OR11H4: variants seen among roughly 807,000 people sequenced by gnomAD.
The protein encoded by OR11H4 is olfactory receptor family 11 subfamily H member 4, also known as olfactory receptor 11H4.
For missense variants in OR11H4, 460 were observed against 371.1 expected (o/e 1.24, Z -1.97); for synonymous variants, 162 against 142.3 (o/e 1.14, Z -0.98).
At chr14:20,242,533 C>T (rs1441406968) in intron 1 of OR11H4, among the ~76,000 whole-genome samples, 1 of 152,126 alleles carries the variant, frequency 6.6e-6, no homozygotes, top group African/African-American at 2.4e-5. Flanking sequence ...TATGTCTTCC[C>T]TTTCTACATA....
chr14:20,242,351 A>T (rs913310333), intron 1 of OR11H4, among the ~76,000 whole-genome samples: 5 of 152,146 alleles, frequency 3.3e-5, no homozygotes, highest in Non-Finnish European at 7.3e-5. Flanking sequence ...TTAACAAGGC[A>T]CATCCTGCAC....
intron 1 of OR11H4, 105 bp from the exon 2 acceptor site, chr14:20,242,706 G>A: frequency 3.8e-6 from 5 of 1,314,056 alleles, no homozygotes; most frequent in Non-Finnish European, 5.3e-6. Flanking sequence ...GTATTTTCCT[G>A]TATACCTCAA....
rs551673918 is a variant in OR11H4 at position 20,242,259 on chromosome 14, C to CCA, written c.-11-549_-11-548dup. On this transcript the variant is annotated intron_variant, in intron 1 of 1. Coordinates refer to ENST00000641082, the MANE Select transcript of OR11H4 (RefSeq NM_001004479.2). The stretch of plus-strand genomic sequence containing the variant: ...CAAGGGCAGAGGTCCCTGCAGCTTT[C>CCA]CACAGTGCATTGTGCCCCTGGTTTA... 5.6e-3 allele frequency among the ~76,000 whole-genome samples: 851 copies of CCA among 152,246 alleles called. 10 individuals are homozygous for CCA. Among genetic ancestry groups the CCA allele is most frequent in the African/African-American group, 0.019 (773 of 41,548 alleles).
rs11159551 is a variant in OR11H4 at position 20,241,828 on chromosome 14, A to T, written c.-11-983A>T. Reference sequence around the variant, plus strand: ...AGGTCAGCAAAAAACATGTGAGCAGAAGAATCTATGTCATAATTAAGTTCA... The same window carrying T: ...AGGTCAGCAAAAAACATGTGAGCAGTAGAATCTATGTCATAATTAAGTTCA... On this transcript the variant is annotated intron_variant, in intron 1 of 1. Coordinates refer to ENST00000641082, the MANE Select transcript of OR11H4 (RefSeq NM_001004479.2). Among the ~76,000 whole-genome samples the T allele has an allele frequency of 3.0e-3, 462 of 152,192 alleles. 2 individuals carry two copies. The highest frequency in any genetic ancestry group is 4.1e-3 in the Non-Finnish European group (281 of 68,010).
chr14:20,239,576 C>A (rs953325104), intron 1 of OR11H4, among the ~76,000 whole-genome samples: 2 of 152,024 alleles, frequency 1.3e-5, no homozygotes, highest in Non-Finnish European at 2.9e-5. Context: ...CGCCTATAGT[C>A]CCAGCTACTC....
chr14:20,243,917 G>C lies in OR11H4; in HGVS notation c.*151G>C. 1 of 690,406 alleles carries C rather than the reference G, an allele frequency of 1.4e-6. No homozygotes were observed. The highest frequency in any genetic ancestry group is 2.2e-6 in the Non-Finnish European group (1 of 449,168). The allele number at this position is 690,406 out of a possible 1,614,324, so 42.8% of individuals were successfully genotyped here. A position where few individuals can be genotyped will look rare whatever the true frequency, so the allele number is the denominator to read the frequency against. ...CCAGCTTAAATATGTTTCCAGCACT[G>C]ACTCTTTAAACCTTAATTAACTGGT... On this transcript the variant is annotated 3_prime_UTR_variant, in exon 2 of 2. Transcript: ENST00000641082.
intron 1 of OR11H4, among the ~76,000 whole-genome samples, 193 bp downstream of exon 1, chr14:20,239,524 C>T (rs368496993): frequency 2.6e-5 from 4 of 152,010 alleles, no homozygotes; most frequent in African/African-American, 9.7e-5. Context: ...GAAACCCCGT[C>T]TCTACTAAAA....
rs145905380 is a variant in OR11H4 at position 20,241,778 on chromosome 14, G to A, written c.-11-1033G>A. Among the ~76,000 whole-genome samples the A allele has an allele frequency of 5.3e-4, 80 of 152,174 alleles. 1 individual carries two copies. In the East Asian group the frequency reaches 8.9e-3, roughly 17 times the overall value. On this transcript the variant is annotated intron_variant, in intron 1 of 1. Transcript: ENST00000641082. ...TATTTCAGCAAAAAGGAATGTAGTA[G>A]GAGAGCACGGTGATAATAAGGAGAA...
rs1880988782 is a variant in OR11H4, at chr14:20,243,494, G to A, written c.673G>A (p.Val225Ile). The change falls in exon 2 of 2, where the codon GTT (valine) becomes ATT (isoleucine). Residue 225 changes from valine to isoleucine, a missense_variant. Val to Ile is a conservative substitution (Grantham distance 29, BLOSUM62 3). Transcript: ENST00000641082. ...LRSYILLLTAVFQVPSAAGRR... is the reference protein window; with the variant it reads ...LRSYILLLTAIFQVPSAAGRR... ...ATCCTATATCCTGTTACTAACAGCT[G>A]TTTTTCAGGTCCCTTCTGCAGCTGG... is the stretch of plus-strand genomic sequence containing the variant. 6.2e-7 allele frequency: 1 copy of A among 1,613,770 alleles called. No individual in the cohort carries two copies. Among genetic ancestry groups the A allele is most frequent in the Admixed American group, 1.7e-5 (1 of 59,940 alleles).
chr14:20,242,648 T>C lies in OR11H4; in HGVS notation c.-11-163T>C. ...AAATAACACAGAGAACCACAATCAA[T>C]TCAAAATTTGGTAGGACATATTCCC... On this transcript the variant is annotated intron_variant, in intron 1 of 1. Coordinates refer to ENST00000641082, the MANE Select transcript of OR11H4 (RefSeq NM_001004479.2). 5 of 735,412 alleles carry C rather than the reference T, an allele frequency of 6.8e-6. No individual in the cohort carries two copies. In the South Asian group the frequency reaches 7.7e-5, roughly 11 times the overall value. The allele number at this position is 735,412 out of a possible 1,614,324, so 45.6% of individuals were successfully genotyped here. A position where few individuals can be genotyped will look rare whatever the true frequency, so the allele number is the denominator to read the frequency against.
chr14:20,242,561 ATC>A (rs1880957851), intron 1 of OR11H4, among the ~76,000 whole-genome samples: 1 of 152,028 alleles, frequency 6.6e-6, no homozygotes, highest in African/African-American at 2.4e-5. Flanking sequence ...TGACAGTCTG[ATC>A]TCTCTTTTCC....
intron 1 of OR11H4, among the ~76,000 whole-genome samples, chr14:20,241,964 C>T (rs1440061362): frequency 6.6e-6 from 1 of 151,986 alleles, no homozygotes; most frequent in Admixed American, 6.6e-5. Context: ...CAACATGTCT[C>T]GCTTCCCACC....
rs762419745 is a variant in OR11H4 at position 20,243,551 on chromosome 14, C to A, written c.730C>A (p.His244Asn). ...RRKAFSTCGSHLVVVSLFYGT... is the reference protein window; with the variant it reads ...RRKAFSTCGSNLVVVSLFYGT... ...AAAAGCCTTCTCTACCTGTGGTTCT[C>A]ATTTGGTTGTGGTATCTCTTTTCTA... The change falls in exon 2 of 2, where the codon CAT becomes AAT. Residue 244 changes from histidine (H) to asparagine (N), a missense_variant. His to Asn is a moderately conservative substitution (Grantham distance 68). Transcript: ENST00000641082. 6.2e-7 allele frequency: 1 copy of A among 1,613,340 alleles called. No individual in the cohort carries two copies. Among genetic ancestry groups the A allele is most frequent in the Non-Finnish European group, 8.5e-7 (1 of 1,179,782 alleles).
At chr14:20,241,447 A>G (rs1485395081) in intron 1 of OR11H4, among the ~76,000 whole-genome samples, 1 of 152,194 alleles carries the variant, frequency 6.6e-6, no homozygotes, top group Non-Finnish European at 1.5e-5. Flanking sequence ...AACTTGTGCT[A>G]GAAAACCCAT....
chr14:20,242,855 T>C lies in OR11H4; in HGVS notation c.34T>C (p.Phe12Leu). 2 of 1,613,992 alleles carry C rather than the reference T, an allele frequency of 1.2e-6. No individual in the cohort carries two copies. The highest frequency in any genetic ancestry group is 1.7e-6 in the Non-Finnish European group (2 of 1,179,934). ...GTCAGCAACACACATCGTGACAGAG[T>C]TTATTCTCCTGGGATTCCCTGGTTG... ...NRSATHIVTE[F>L]ILLGFPGCWK... The change falls in exon 2 of 2, where the codon TTT becomes CTT. Residue 12 changes from phenylalanine to leucine, a missense_variant. Physicochemically the swap from Phe to Leu is conservative, Grantham distance 22. Transcript: ENST00000641082.
At position 20,243,842 on chromosome 14, in the gene OR11H4, A is replaced by G; in HGVS notation, c.*76A>G. ...GTTGTCAGTTCTTTAGCAGTCTTTC[A>G]GTCCTCAGTCTGAGTAGTTAGAGGT... On this transcript the variant is annotated 3_prime_UTR_variant, in exon 2 of 2. Transcript: ENST00000641082. 1 of 1,425,610 alleles carries G rather than the reference A, an allele frequency of 7.0e-7. No homozygotes were observed. The highest frequency in any genetic ancestry group is 1.4e-5 in the South Asian group (1 of 69,422). 88.3% of individuals were successfully genotyped at this position (1,425,610 alleles called of 1,614,324 possible). A position where few individuals can be genotyped will look rare whatever the true frequency, so the allele number is the denominator to read the frequency against.
At chr14:20,242,717 G>C (rs1403266509) in intron 1 of OR11H4, 94 bp from the exon 2 acceptor site, 3 of 1,428,018 alleles carry the variant, frequency 2.1e-6, no homozygotes, top group Non-Finnish European at 2.9e-6. Flanking sequence ...TATACCTCAA[G>C]TTCTCGTCTC....
intron 1 of OR11H4, among the ~76,000 whole-genome samples, chr14:20,241,398 C>G (rs911238144): frequency 3.3e-5 from 5 of 152,082 alleles, no homozygotes; most frequent in African/African-American, 1.2e-4. Flanking sequence ...CTCAAAATGT[C>G]TTTTCTAACA....
rs777987142 is a variant in OR11H4, at chr14:20,243,039, A to G, written c.218A>G (p.Tyr73Cys). 1.2e-6 allele frequency: 2 copies of G among 1,614,106 alleles called. No individual in the cohort carries two copies. The highest frequency in any genetic ancestry group is 4.5e-5 in the East Asian group (2 of 44,880). ...AATTTTGCCTTCCTTGAGATCTGGT[A>G]TGTGTCCTCCACTATTCCTAACATG... ...LGNFAFLEIW[Y>C]VSSTIPNMLV... is the part of the protein sequence containing the mutation. Residue 73 changes from tyrosine (Y) to cysteine (C), a missense_variant, in exon 2 of 2, where the codon TAT becomes TGT. Coordinates refer to ENST00000641082, the MANE Select transcript of OR11H4 (RefSeq NM_001004479.2).
Sources: allele counts gnomAD v4.1 joint callset (sites outside exome capture counted in the v4.1 genomes callset), GRCh38; gene constraint gnomAD v4.1.1; transcripts MANE v1.5; gene names NCBI Gene and HGNC (gene_info 2026-07-23, HGNC 2026-07-21).